The following HECTD4 variants were observed in gnomAD, a reference collection of about 807,000 sequenced individuals.
The protein encoded by HECTD4 is probable E3 ubiquitin-protein ligase HECTD4.
A neutral mutation model predicts 471.5 loss-of-function variants in HECTD4; 114 were observed. The ratio of observed to expected loss-of-function variants is 0.24; its 90% CI spans 0.21 to 0.28. HECTD4 has a LOEUF of 0.28. HECTD4 is among the 10% of genes least tolerant of loss of function. HECTD4 has a pLI of 1.00. For synonymous variants in HECTD4, 2,012 were observed against 2,256.0 expected (o/e 0.89, Z 3.07); for missense variants, 3,866 against 5,651.5 (o/e 0.68, Z 10.13).
In HECTD4 at chr12:112,162,915, G is replaced by A. The variant is rs2136993108; in HGVS notation, c.13120+127C>T. 1 of 761,264 alleles carries A rather than the reference G, an allele frequency of 1.3e-6. No individual in the cohort carries two copies. The highest frequency in any genetic ancestry group is 2.5e-5 in the East Asian group (1 of 39,934). The allele number at this position is 761,264 out of a possible 1,614,324, so 47.2% of individuals were successfully genotyped here. On this transcript the variant is annotated intron_variant, in intron 75 of 75. Coordinates refer to ENST00000682272, the MANE Select transcript of HECTD4 (RefSeq NM_001388303.1). The surrounding 1 kb of genome is among the most constrained non-coding windows in gnomAD (Gnocchi z 5.2). ...CTGCCGGGCCCTAATCCTCAATGATGTCTGAGTTTTGGCACGTGGGGCTCC... is the reference window on the plus strand; with the variant it reads ...CTGCCGGGCCCTAATCCTCAATGATATCTGAGTTTTGGCACGTGGGGCTCC...
chr12:112,305,991 T>G (rs1322374568), intron 7 of HECTD4, 73 bp downstream of exon 7: 1 of 1,454,954 alleles, frequency 6.9e-7, no homozygotes, highest in African/African-American at 1.4e-5. Context: ...CTTAGGCCCT[T>G]TGCACACCAA....
chr12:112,319,839 G>T lies in HECTD4; in HGVS notation c.178-97C>A. 4 of 845,492 alleles carry T rather than the reference G, an allele frequency of 4.7e-6. No individual in the cohort carries two copies. The highest frequency in any genetic ancestry group is 6.2e-5 in the South Asian group (1 of 16,122). The allele number at this position is 845,492 out of a possible 1,614,324, so 52.4% of individuals were successfully genotyped here. On this transcript the variant is annotated intron_variant, in intron 1 of 75. Coordinates refer to ENST00000682272, the MANE Select transcript of HECTD4 (RefSeq NM_001388303.1). This position sits in a 1 kb window ranked among gnomAD's most constrained non-coding sequence, Gnocchi z 5.3. ...TTAATGATATCCCAAAATAGTCAAC[G>T]CCAAAAATTATTTTAATTACAATCA...
intron 11 of HECTD4, among the ~76,000 whole-genome samples, chr12:112,272,792 A>G (rs1360422512): frequency 3.9e-5 from 6 of 152,202 alleles, no homozygotes; most frequent in Admixed American, 1.3e-4. Flanking sequence ...TTTGCCACCA[A>G]GATGACTACT....
Position 112,213,716 on chromosome 12 carries a change from AT to A in HECTD4, c.7466-1067del, listed in dbSNP as rs2032832379. On this transcript the variant is annotated intron_variant, in intron 48 of 75. Transcript: ENST00000682272. The surrounding 1 kb of genome is among the most constrained non-coding windows in gnomAD (Gnocchi z 4.0). ...AATATATACATATATATATATATAT[AT>A]ATAATATATATATAAAATTTAAGGC... Among the ~76,000 whole-genome samples the A allele has an allele frequency of 6.8e-6, 1 of 146,522 alleles. No individual in the cohort carries two copies. The highest frequency in any genetic ancestry group is 2.5e-5 in the African/African-American group (1 of 40,128).
intron 2 of HECTD4, among the ~76,000 whole-genome samples, chr12:112,315,083 T>C (rs1347165392): frequency 6.6e-6 from 1 of 152,240 alleles, no homozygotes; most frequent in Non-Finnish European, 1.5e-5. Context: ...TTGTAATACT[T>C]GCAACAGGGC....
rs753354735 is a variant in HECTD4 at position 112,171,162 on chromosome 12, G to A, written c.11887C>T (p.Pro3963Ser). 2.5e-6 allele frequency: 4 copies of A among 1,613,464 alleles called. No homozygotes were observed. The highest frequency in any genetic ancestry group is 3.3e-5 in the Admixed American group (2 of 59,952). Residue 3963 changes from proline to serine, a missense_variant, in exon 68 of 76, where the codon CCC becomes TCC. Physicochemically the swap from Pro to Ser is moderately conservative, Grantham distance 74. Around this residue, in one of 16 missense-constraint regions of HECTD4, gnomAD observed 715 missense variants for 1,087.6 expected, o/e 0.66. Transcript: ENST00000682272. ...GCGGCGATGCTGTGGGTATACATGG[G>A]TGTCTGGCGCAGCTCCACCAGGGGC... Reference protein sequence around the residue: ...FLPLVELRQTPMYTHSIAALL... With the variant: ...FLPLVELRQTSMYTHSIAALL...
At chr12:112,225,105 G>T (rs1468361859) in intron 44 of HECTD4, among the ~76,000 whole-genome samples, 1 of 152,026 alleles carries the variant, frequency 6.6e-6, no homozygotes, top group Non-Finnish European at 1.5e-5. Flanking sequence ...ATGGTTCCTG[G>T]ATCTCCCAGC....
Position 112,333,946 on chromosome 12 carries a change from T to C in HECTD4, c.178-14204A>G, listed in dbSNP as rs112050961. 2.6e-3 allele frequency among the ~76,000 whole-genome samples: 390 copies of C among 152,206 alleles called. 2 individuals carry two copies. Among genetic ancestry groups the C allele is most frequent in the Middle Eastern group, 6.8e-3 (2 of 294 alleles). On this transcript the variant is annotated intron_variant, in intron 1 of 75. Coordinates refer to ENST00000682272, the MANE Select transcript of HECTD4 (RefSeq NM_001388303.1). ...AAGTGGGGCCAGGTGCGGTGGCTCA[T>C]GTCTGTAATCCCAGCAGTTTGGGAC...
chr12:112,323,705 G>C (rs989000387), intron 1 of HECTD4, among the ~76,000 whole-genome samples: 5 of 151,856 alleles, frequency 3.3e-5, no homozygotes, highest in Non-Finnish European at 5.9e-5. Context: ...AGTTTTTTTG[G>C]GGGGGTTGAA....
chr12:112,255,594 C>T (rs1018909459), intron 21 of HECTD4, among the ~76,000 whole-genome samples: 2 of 152,184 alleles, frequency 1.3e-5, no homozygotes, highest in Non-Finnish European at 2.9e-5. Flanking sequence ...CATTTGCCCT[C>T]ACACAGTTCA....
chr12:112,163,346 G>C lies in HECTD4; in HGVS notation c.12898-82C>G. 1 of 1,327,128 alleles carries C rather than the reference G, an allele frequency of 7.5e-7. No individual in the cohort carries two copies. The highest frequency in any genetic ancestry group is 2.4e-5 in the East Asian group (1 of 41,390). 82.2% of individuals were successfully genotyped at this position (1,327,128 alleles called of 1,614,324 possible). A position where few individuals can be genotyped will look rare whatever the true frequency, so the allele number is the denominator to read the frequency against. On this transcript the variant is annotated intron_variant, in intron 74 of 75. Transcript: ENST00000682272. This position sits in a 1 kb window ranked among gnomAD's most constrained non-coding sequence, Gnocchi z 8.2. ...CCCCAGCCCTGGGGTCTGCAGGCCA[G>C]GCCCAATCCTGGGGCAGGGTGCAAC...
intron 16 of HECTD4, 93 bp from the exon 17 acceptor site, chr12:112,264,305 A>C: frequency 8.3e-7 from 1 of 1,210,472 alleles, no homozygotes; most frequent in Non-Finnish European, 1.1e-6. Flanking sequence ...TGACAAAGAA[A>C]ACAAAAAGAG....
chr12:112,216,720 A>G, intron 47 of HECTD4, 53 bp downstream of exon 47: 1 of 1,593,018 alleles, frequency 6.3e-7, no homozygotes, highest in Non-Finnish European at 8.6e-7. Flanking sequence ...ACCTATACAC[A>G]CCTTGTGGGA....
intron 1 of HECTD4, among the ~76,000 whole-genome samples, chr12:112,357,966 G>A (rs2036375510): frequency 6.6e-6 from 1 of 152,224 alleles, no homozygotes; most frequent in Non-Finnish European, 1.5e-5. Flanking sequence ...ACTTTGGGAA[G>A]CCGAGGCAGG....
rs77843946 is a variant in HECTD4, at chr12:112,289,974, G to A, written c.1336-6672C>T. Among the ~76,000 whole-genome samples, 8,449 of 152,090 alleles carry A rather than the reference G, an allele frequency of 0.056. 1,287 individuals are homozygous for A. The East Asian group carries it at 0.61, about 11-fold the overall frequency. On this transcript the variant is annotated intron_variant, in intron 7 of 75. Transcript: ENST00000682272. Reference sequence around the variant, plus strand: ...TTACAGGCATGAGCCACCGCACTCGGCCTATTCTTTCTTTTTAAAGGGATA... The same window carrying A: ...TTACAGGCATGAGCCACCGCACTCGACCTATTCTTTCTTTTTAAAGGGATA...
Position 112,190,692 on chromosome 12 carries a change from C to T in HECTD4, c.9472+94G>A, listed in dbSNP as rs1364484616. The T allele has an allele frequency of 2.5e-6, 3 of 1,185,582 alleles. No individual in the cohort carries two copies. The Admixed American group carries it at 8.4e-5, about 33-fold the overall frequency. The allele number at this position is 1,185,582 out of a possible 1,614,324, so 73.4% of individuals were successfully genotyped here. On this transcript the variant is annotated intron_variant, in intron 60 of 75. Transcript: ENST00000682272. ...CTGCAGCTGCCTGGGCTACCTGTGG[C>T]CACTCCCTACACCACCTGGCAAGCT...
At position 112,381,509 on chromosome 12, in the gene HECTD4, G is replaced by C. The variant is rs1175159207; in HGVS notation, c.177+443C>G. 6.6e-6 allele frequency among the ~76,000 whole-genome samples: 1 copy of C among 152,182 alleles called. No individual in the cohort carries two copies. The highest frequency in any genetic ancestry group is 6.5e-5 in the Admixed American group (1 of 15,276). On this transcript the variant is annotated intron_variant, in intron 1 of 75. Coordinates refer to ENST00000682272, the MANE Select transcript of HECTD4 (RefSeq NM_001388303.1). This position sits in a 1 kb window ranked among gnomAD's most constrained non-coding sequence, Gnocchi z 4.1. Reference sequence around the variant, plus strand: ...AAACCAAACAAAAAAAACAGAACTAGGGAAGAAAAGGATGGGAGGGTACAC... The same window carrying C: ...AAACCAAACAAAAAAAACAGAACTACGGAAGAAAAGGATGGGAGGGTACAC...
intron 1 of HECTD4, among the ~76,000 whole-genome samples, chr12:112,355,444 G>A (rs1017958354): frequency 1.3e-5 from 2 of 149,968 alleles, no homozygotes; most frequent in South Asian, 2.1e-4. Context: ...CTGGGCGACC[G>A]AGCAAGAGAC....
chr12:112,378,304 C>T (rs1347720718), intron 1 of HECTD4, among the ~76,000 whole-genome samples: 2 of 152,024 alleles, frequency 1.3e-5, no homozygotes, highest in South Asian at 2.1e-4. Flanking sequence ...CTGCAAGCTC[C>T]GCCTCCCGGG....
Sources: allele counts gnomAD v4.1 joint callset (sites outside exome capture counted in the v4.1 genomes callset), GRCh38; gene constraint gnomAD v4.1.1; regional missense constraint gnomAD v4.1.1; non-coding constraint Gnocchi (gnomAD v3.1); transcripts MANE v1.5; gene names NCBI Gene and HGNC (gene_info 2026-07-23, HGNC 2026-07-21).